SNED1: variants seen among roughly 807,000 people sequenced by gnomAD.
The protein encoded by SNED1 is sushi, nidogen and EGF-like domain-containing protein 1.
SNED1 carries 81 observed loss-of-function variants against 166.7 expected under a neutral mutation model. The ratio of observed to expected loss-of-function variants is 0.49; its 90% confidence interval spans 0.41 to 0.58. SNED1 has a LOEUF of 0.58. SNED1 is among the 20% of genes least tolerant of loss of function. The pLI, the probability that SNED1 is intolerant of heterozygous loss-of-function variation, is 0.00. For synonymous variants in SNED1, 762 were observed against 822.0 expected (o/e 0.93, Z 1.25); for missense variants, 1,604 against 2,000.2 (o/e 0.80, Z 3.78).
chr2:241,037,353 G>A lies in SNED1; in HGVS notation c.1045G>A (p.Ala349Thr). ...CTTTGGGGGACCCACCTGTGAGACA[G>A]GTAAGAGGAACCCACCGGGGCCCAC... is the stretch of plus-strand genomic sequence containing the variant. ...AGFGGPTCET[A>T]QSPCDTKECQ... Residue 349 changes from alanine (A) to threonine (T), a missense_variant and splice_region_variant, in exon 6 of 32, where the codon GCC (alanine) becomes ACC (threonine). Around this residue, in one of 2 missense-constraint regions of SNED1, gnomAD observed 1,237 missense variants for 1,620.8 expected, o/e 0.76. Coordinates refer to ENST00000310397, the MANE Select transcript of SNED1 (RefSeq NM_001080437.3). The A allele has an allele frequency of 4.4e-6, 7 of 1,602,742 alleles. No homozygotes were observed. The highest frequency in any genetic ancestry group is 6.0e-6 in the Non-Finnish European group (7 of 1,174,428).
Position 241,069,820 on chromosome 2 carries a change from C to T in SNED1, c.3308-100C>T. ...TCTCCATAATAAAGAATCTGGCTTC[C>T]AGCAAGGCTGCGGCAGCCCATGTCC... is the stretch of plus-strand genomic sequence containing the variant. On this transcript the variant is annotated intron_variant, in intron 23 of 31. Coordinates refer to ENST00000310397, the MANE Select transcript of SNED1 (RefSeq NM_001080437.3). This position sits in a 1 kb window ranked among gnomAD's most constrained non-coding sequence, Gnocchi z 4.9. The T allele has an allele frequency of 7.2e-7, 1 of 1,394,890 alleles. No homozygotes were observed. The highest frequency in any genetic ancestry group is 9.8e-7 in the Non-Finnish European group (1 of 1,023,508). The allele number at this position is 1,394,890 out of a possible 1,614,324, so 86.4% of individuals were successfully genotyped here. A position where few individuals can be genotyped will look rare whatever the true frequency, so the allele number is the denominator to read the frequency against.
intron 8 of SNED1, among the ~76,000 whole-genome samples, chr2:241,047,161 A>T (rs1201498168): frequency 3.7e-5 from 4 of 107,704 alleles, no homozygotes; most frequent in African/African-American, 1.2e-4. Flanking sequence ...AAAAAAAAAA[A>T]AAAAAAAAGT....
At chr2:241,057,377 C>CAA (rs1177179331) in intron 16 of SNED1, among the ~76,000 whole-genome samples, 6 of 75,118 alleles carry the variant, frequency 8.0e-5, no homozygotes, top group African/African-American at 4.6e-4. Context: ...AACTCCATCT[C>CAA]AAAATATATA....
chr2:241,084,475 T>C (rs151309848), intron 29 of SNED1, among the ~76,000 whole-genome samples: 19 of 152,244 alleles, frequency 1.2e-4, no homozygotes, highest in African/African-American at 4.6e-4. Flanking sequence ...GGATTTACCA[T>C]ACACATCTTC....
At chr2:241,000,385 C>T (rs961935775) in intron 1 of SNED1, among the ~76,000 whole-genome samples, 5 of 152,246 alleles carry the variant, frequency 3.3e-5, no homozygotes, top group African/African-American at 1.2e-4. Context: ...GGTGCTACCC[C>T]CTGAAAGTCC....
At chr2:241,031,795 C>T (rs950404390) in intron 2 of SNED1, among the ~76,000 whole-genome samples, 4 of 152,312 alleles carry the variant, frequency 2.6e-5, no homozygotes, top group East Asian at 3.9e-4. Context: ...AAGCAGAGCA[C>T]GTAGTTTCTC....
At chr2:241,039,877 C>G (rs2061475229) in intron 6 of SNED1, among the ~76,000 whole-genome samples, 198 bp from the exon 7 acceptor site, 1 of 152,160 alleles carries the variant, frequency 6.6e-6, no homozygotes, top group African/African-American at 2.4e-5. Flanking sequence ...CCAGTTCAGA[C>G]AGAGCTTCGG....
intron 16 of SNED1, among the ~76,000 whole-genome samples, chr2:241,061,985 A>G (rs1386551467): frequency 6.6e-6 from 1 of 152,248 alleles, no homozygotes; most frequent in African/African-American, 2.4e-5. Context: ...GTGAAAATCT[A>G]TGAACCACAG....
chr2:241,071,670 G>A lies in SNED1; in HGVS notation c.3684G>A (p.Leu1228=), dbSNP rs1226356946. The A allele has an allele frequency of 1.9e-6, 3 of 1,556,700 alleles. No individual in the cohort carries two copies. The highest frequency in any genetic ancestry group is 2.6e-6 in the Non-Finnish European group (3 of 1,157,026). Residue 1228 remains leucine (L), a synonymous_variant, in exon 25 of 32, where the codon CTG becomes CTA. Coordinates refer to ENST00000310397, the MANE Select transcript of SNED1 (RefSeq NM_001080437.3). ...CGCCCCCGGCGCGCCTGCCGGAGCT[G>A]CGCCTGCTCAATGACCACAGCGCCC... is the stretch of plus-strand genomic sequence containing the variant. ...NRPPPARLPE[L]RLLNDHSAPE...
intron 16 of SNED1, among the ~76,000 whole-genome samples, chr2:241,062,445 T>C (rs1281730996): frequency 1.3e-5 from 2 of 152,238 alleles, no homozygotes; most frequent in Non-Finnish European, 2.9e-5. Context: ...CACAGGTGAC[T>C]ATTATACATT....
At chr2:241,077,461 G>T (rs753736966) in intron 27 of SNED1, among the ~76,000 whole-genome samples, 4 of 152,146 alleles carry the variant, frequency 2.6e-5, no homozygotes, top group Non-Finnish European at 4.4e-5. Context: ...CTCAAAGGAT[G>T]CCATCAAGGA....
chr2:241,019,813 T>C (rs2060716847), intron 1 of SNED1, among the ~76,000 whole-genome samples: 2 of 152,194 alleles, frequency 1.3e-5, no homozygotes, highest in South Asian at 2.1e-4. Flanking sequence ...TCTCAGGCTG[T>C]GGTCTTCCAA....
At chr2:240,997,765 T>G (rs113553139), upstream of SNED1, among the ~76,000 whole-genome samples, 1,475 of 152,254 alleles carry the variant, frequency 9.7e-3, 38 homozygotes, top group African/African-American at 0.031. Flanking sequence ...CACCAGGATC[T>G]AAGAGAAGAG....
At chr2:241,036,966 G>T in intron 5 of SNED1, 51 bp downstream of exon 5, 1 of 1,566,286 alleles carries the variant, frequency 6.4e-7, no homozygotes, top group East Asian at 2.4e-5. Flanking sequence ...CTGGGCTCAG[G>T]AGGAGCACTG....
intron 1 of SNED1, among the ~76,000 whole-genome samples, chr2:241,016,951 C>T (rs1441866106): frequency 1.3e-5 from 2 of 149,830 alleles, no homozygotes; most frequent in African/African-American, 4.9e-5. Context: ...CTCCCGGGTT[C>T]AAGCAATTCT....
Position 241,064,106 on chromosome 2 carries a change from C to A in SNED1, c.2580C>A (p.Phe860Leu). The A allele has an allele frequency of 1.9e-6, 3 of 1,564,092 alleles. No individual in the cohort carries two copies. The highest frequency in any genetic ancestry group is 1.7e-6 in the Non-Finnish European group (2 of 1,155,822). The change falls in exon 19 of 32, where the codon TTC (phenylalanine) becomes TTA (leucine). Residue 860 changes from phenylalanine (F) to leucine (L), a missense_variant. Physicochemically the swap from Phe to Leu is conservative, Grantham distance 22 (BLOSUM62 0). Transcript: ENST00000310397. This position sits in a 1 kb window ranked among gnomAD's most constrained non-coding sequence, Gnocchi z 7.0. Reference sequence around the variant, plus strand: ...TGTGCGTCTGCCCAGAGAGCTTCTTCGGCTACCACTGCGAGACAGGTAGGG... The same window carrying A: ...TGTGCGTCTGCCCAGAGAGCTTCTTAGGCTACCACTGCGAGACAGGTAGGG... ...AYLCVCPESF[F>L]GYHCETVSDP...
intron 8 of SNED1, among the ~76,000 whole-genome samples, chr2:241,047,793 G>C (rs1361274541): frequency 6.6e-6 from 1 of 150,456 alleles, no homozygotes; most frequent in Non-Finnish European, 1.5e-5. Context: ...TGGTCTCTCT[G>C]GTGTTTCTTG....
rs1371105713 is a variant in SNED1, at chr2:241,092,581, G to A, written c.*945G>A. 6.6e-6 allele frequency: 1 copy of A among 152,166 alleles called. No individual in the cohort carries two copies. The highest frequency in any genetic ancestry group is 1.5e-5 in the Non-Finnish European group (1 of 68,018). The allele number at this position is 152,166 out of a possible 1,614,324, so 9.4% of individuals were successfully genotyped here. On this transcript the variant is annotated 3_prime_UTR_variant, in exon 32 of 32. Transcript: ENST00000310397. This position sits in a 1 kb window ranked among gnomAD's most constrained non-coding sequence, Gnocchi z 4.6. ...AGACCCCTGAATTTTCATGGAAAAAGCTATTCAGACCCCTGCTTGGAAAGC... is the reference window on the plus strand; with the variant it reads ...AGACCCCTGAATTTTCATGGAAAAAACTATTCAGACCCCTGCTTGGAAAGC...
chr2:241,062,515 C>T (rs972639472), intron 16 of SNED1, among the ~76,000 whole-genome samples: 1 of 152,114 alleles, frequency 6.6e-6, no homozygotes, highest in Non-Finnish European at 1.5e-5. Flanking sequence ...TTTGTCCTGT[C>T]GGCCTGAACC....
Sources: gnomAD v4.1 joint callset for allele counts (sites outside exome capture counted in the v4.1 genomes callset) on GRCh38, gnomAD v4.1.1 for gene constraint, gnomAD v4.1.1 regional missense constraint, Gnocchi (gnomAD v3.1) non-coding constraint, MANE v1.5 for transcripts, NCBI Gene and HGNC (gene_info 2026-07-23, HGNC 2026-07-21) for gene names.